TMEM132D: variants seen among roughly 807,000 people sequenced by gnomAD.
TMEM132D encodes the protein mature OL transmembrane protein.
A neutral mutation model predicts 62.3 loss-of-function variants in TMEM132D; 21 were observed. The observed-to-expected ratio is 0.34, with a 90% CI of 0.24 to 0.49. TMEM132D has a LOEUF of 0.49. TMEM132D is among the 20% of genes least tolerant of loss of function. The pLI is 0.99. For synonymous variants in TMEM132D, 621 were observed against 575.6 expected (o/e 1.08, Z -1.13); for missense variants, 1,346 against 1,402.8 (o/e 0.96, Z 0.65).
chr12:129,119,040 C>T (rs1309416633), intron 5 of TMEM132D, among the ~76,000 whole-genome samples: 2 of 152,202 alleles, frequency 1.3e-5, no homozygotes, highest in Non-Finnish European at 2.9e-5. Context: ...GACATCTACG[C>T]TGCCCTTGCC....
intron 2 of TMEM132D, among the ~76,000 whole-genome samples, chr12:129,621,288 G>C (rs922002856): frequency 6.6e-6 from 1 of 152,032 alleles, no homozygotes; most frequent in Non-Finnish European, 1.5e-5. Context: ...GTTCCAGGGG[G>C]CCTTCCTGCC....
intron 5 of TMEM132D, among the ~76,000 whole-genome samples, chr12:129,090,144 G>A (rs745548437): frequency 1.3e-5 from 2 of 152,164 alleles, no homozygotes; most frequent in African/African-American, 2.4e-5. Flanking sequence ...GCCCAGGTCC[G>A]GTTAAGAGTG....
chr12:129,544,729 GAGAA>G (rs1045177355), intron 2 of TMEM132D, among the ~76,000 whole-genome samples: 3 of 152,124 alleles, frequency 2.0e-5, no homozygotes, highest in East Asian at 1.9e-4. Flanking sequence ...AGAAAAAAAA[GAGAA>G]AGAAAAAATA....
At chr12:129,406,366 A>C (rs959188998) in intron 3 of TMEM132D, among the ~76,000 whole-genome samples, 1 of 152,202 alleles carries the variant, frequency 6.6e-6, no homozygotes, top group African/African-American at 2.4e-5. Flanking sequence ...TACGCCTGTA[A>C]TCCCACCACT....
In TMEM132D at chr12:129,362,562, A is replaced by G. The variant is rs181146020; in HGVS notation, c.1116-24745T>C. ...AACATATTCGCCTGGAAATGAAGAT[A>G]TATTTTATTTTTATATATTTCTTTT... On this transcript the variant is annotated intron_variant, in intron 3 of 8. Coordinates refer to ENST00000422113, the MANE Select transcript of TMEM132D (RefSeq NM_133448.3). 4.8e-4 allele frequency among the ~76,000 whole-genome samples: 73 copies of G among 152,172 alleles called. 2 individuals are homozygous for G. In the East Asian group the frequency reaches 0.012, roughly 26 times the overall value.
chr12:129,583,210 G>C (rs148788810), intron 2 of TMEM132D, among the ~76,000 whole-genome samples: 1 of 152,314 alleles, frequency 6.6e-6, no homozygotes, highest in Non-Finnish European at 1.5e-5. Flanking sequence ...CTTGGCACGT[G>C]GTAAGCCTCA....
At chr12:129,768,532 T>G (rs1409501150) in intron 1 of TMEM132D, among the ~76,000 whole-genome samples, 1 of 152,046 alleles carries the variant, frequency 6.6e-6, no homozygotes, top group African/African-American at 2.4e-5. Flanking sequence ...GGAGTTCTAC[T>G]TCTAGGTATA....
chr12:129,861,067 T>A (rs538931415), intron 1 of TMEM132D, among the ~76,000 whole-genome samples: 1 of 152,248 alleles, frequency 6.6e-6, no homozygotes, highest in Non-Finnish European at 1.5e-5. Context: ...CACTATGTTA[T>A]GTTTTTAACC....
chr12:129,731,026 T>C (rs1398234006), intron 1 of TMEM132D, among the ~76,000 whole-genome samples: 2 of 152,142 alleles, frequency 1.3e-5, no homozygotes, highest in Non-Finnish European at 2.9e-5. Context: ...GCTTTATATA[T>C]ACATCTATCC....
chr12:129,542,277 C>G (rs1379875002), intron 2 of TMEM132D, among the ~76,000 whole-genome samples: 3 of 152,170 alleles, frequency 2.0e-5, no homozygotes, highest in Admixed American at 6.5e-5. Context: ...GAACCACAAC[C>G]CCCTAATTTC....
chr12:129,148,684 GTTAT>G (rs1325473497), intron 5 of TMEM132D, among the ~76,000 whole-genome samples: 2 of 152,180 alleles, frequency 1.3e-5, no homozygotes, highest in Admixed American at 6.5e-5. Flanking sequence ...CCTGTGTGTG[GTTAT>G]TTGTTACAGC....
chr12:129,233,729 C>T lies in TMEM132D; in HGVS notation c.1300-24066G>A, dbSNP rs147980310. On this transcript the variant is annotated intron_variant, in intron 4 of 8. Transcript: ENST00000422113. ...GCAACCTTTGCTTTCCAGTTTCAAGCGATTCTCCTGCCTCAGCCTCCTGAG... is the reference window on the plus strand; with the variant it reads ...GCAACCTTTGCTTTCCAGTTTCAAGTGATTCTCCTGCCTCAGCCTCCTGAG... 1.9e-3 allele frequency among the ~76,000 whole-genome samples: 288 copies of T among 152,132 alleles called. 1 individual carries two copies. Among genetic ancestry groups the T allele is most frequent in the Non-Finnish European group, 3.4e-3 (230 of 68,000 alleles).
intron 2 of TMEM132D, among the ~76,000 whole-genome samples, chr12:129,591,616 T>C (rs188475435): frequency 6.6e-6 from 1 of 151,664 alleles, no homozygotes; most frequent in Admixed American, 6.6e-5. Context: ...ATTTATCAAG[T>C]GTTTATTCCA....
chr12:129,213,832 C>T (rs576688851), intron 4 of TMEM132D, among the ~76,000 whole-genome samples: 9 of 152,292 alleles, frequency 5.9e-5, no homozygotes, highest in East Asian at 3.9e-4. Flanking sequence ...ACCTCCAACC[C>T]GGGGGATCAC....
chr12:129,260,658 ACC>A (rs1446225179), intron 4 of TMEM132D, among the ~76,000 whole-genome samples: 1 of 152,108 alleles, frequency 6.6e-6, no homozygotes, highest in East Asian at 1.9e-4. Flanking sequence ...TTTGTCTCTC[ACC>A]CCACTCTCAA....
intron 3 of TMEM132D, among the ~76,000 whole-genome samples, chr12:129,466,988 T>A (rs775445266): frequency 6.6e-5 from 10 of 152,194 alleles, no homozygotes; most frequent in Non-Finnish European, 1.2e-4. Context: ...GGATGAATAG[T>A]CCTTAAAAGG....
intron 3 of TMEM132D, among the ~76,000 whole-genome samples, chr12:129,368,245 A>ATGTGTGTGTGTG (rs34221350): frequency 1.2e-4 from 18 of 151,384 alleles, no homozygotes; most frequent in African/African-American, 3.4e-4. Flanking sequence ...CATATGCAAA[A>ATGTGTGTGTGTG]TGTGTGTGTG....
intron 4 of TMEM132D, 116 bp from the exon 5 acceptor site, chr12:129,209,779 G>C (rs1460672014): frequency 6.9e-7 from 1 of 1,440,052 alleles, no homozygotes. Context: ...CTCTTCTGCA[G>C]GCTCAGAAAT....
intron 2 of TMEM132D, among the ~76,000 whole-genome samples, chr12:129,673,668 A>G (rs1348004205): frequency 6.6e-6 from 1 of 152,148 alleles, no homozygotes; most frequent in Non-Finnish European, 1.5e-5. Context: ...ACAGTCAAAG[A>G]ACCATATTGA....
Sources: gnomAD v4.1 joint callset for allele counts (sites outside exome capture counted in the v4.1 genomes callset) on GRCh38, gnomAD v4.1.1 for gene constraint, MANE v1.5 for transcripts, NCBI Gene and HGNC (gene_info 2026-07-23, HGNC 2026-07-21) for gene names.